Variants in OR2T6 observed in about 807,000 individuals in gnomAD.
The protein encoded by OR2T6 is olfactory receptor family 2 subfamily T member 6.
For synonymous variants in OR2T6, 174 were observed against 148.0 expected (o/e 1.18, Z -1.27); for missense variants, 424 against 391.6 (o/e 1.08, Z -0.70).
chr1:248,384,274 T>C (rs534363611), intron 1 of OR2T6, among the ~76,000 whole-genome samples: 1 of 101,594 alleles, frequency 9.8e-6, no homozygotes, highest in African/African-American at 5.6e-5. Context: ...GTTATTGTCA[T>C]GGGTAAAGCA....
chr1:248,382,771 A>G (rs1661062049), intron 1 of OR2T6, among the ~76,000 whole-genome samples: 1 of 152,044 alleles, frequency 6.6e-6, no homozygotes, highest in African/African-American at 2.4e-5. Context: ...TGATCCACCC[A>G]CTTTGGCCTC....
At chr1:248,385,047 G>T (rs1661114441) in intron 2 of OR2T6, among the ~76,000 whole-genome samples, 183 bp downstream of exon 2, 1 of 152,132 alleles carries the variant, frequency 6.6e-6, no homozygotes, top group Admixed American at 6.5e-5. Flanking sequence ...TCCTTTGTTG[G>T]TCTACTTGCA....
At position 248,386,985 on chromosome 1, in the gene OR2T6, C is replaced by G. The variant is rs1458537972; in HGVS notation, c.-4-620C>G. 4.6e-5 allele frequency among the ~76,000 whole-genome samples: 7 copies of G among 152,284 alleles called. No homozygotes were observed. The South Asian group carries it at 8.3e-4, about 18-fold the overall frequency. ...TACAGTATCCCCAGAGCTTAGAACA[C>G]TGCACAGTACTCTCTCCATAAATAA... is the stretch of plus-strand genomic sequence containing the variant. On this transcript the variant is annotated intron_variant, in intron 2 of 2. Coordinates refer to ENST00000641644, the MANE Select transcript of OR2T6 (RefSeq NM_001005471.2).
chr1:248,382,896 C>T (rs535252771), intron 1 of OR2T6, among the ~76,000 whole-genome samples: 44 of 152,358 alleles, frequency 2.9e-4, no homozygotes, highest in African/African-American at 1.0e-3. Context: ...TTATCCTCCA[C>T]AACCCTAACA....
Position 248,388,598 on chromosome 1 carries a change from C to T in OR2T6, c.*63C>T. 7.8e-7 allele frequency: 1 copy of T among 1,277,234 alleles called. No homozygotes were observed. Among genetic ancestry groups the T allele is most frequent in the African/African-American group, 1.5e-5 (1 of 67,168 alleles). The allele number at this position is 1,277,234 out of a possible 1,614,324, so 79.1% of individuals were successfully genotyped here. On this transcript the variant is annotated 3_prime_UTR_variant, in exon 3 of 3. Transcript: ENST00000641644. Reference sequence around the variant, plus strand: ...CTAAAACCTCCACATCCTGTTCAGGCATATATGGGGTCGTATCATGGATAC... The same window carrying T: ...CTAAAACCTCCACATCCTGTTCAGGTATATATGGGGTCGTATCATGGATAC...
chr1:248,378,047 A>C (rs537155114), intron 1 of OR2T6, among the ~76,000 whole-genome samples: 56 of 152,332 alleles, frequency 3.7e-4, no homozygotes, highest in African/African-American at 1.3e-3. Context: ...GTTGATCATT[A>C]AGATTGTTTC....
intron 1 of OR2T6, among the ~76,000 whole-genome samples, chr1:248,381,554 T>C (rs139116064): frequency 6.6e-6 from 1 of 152,200 alleles, no homozygotes; most frequent in African/African-American, 2.4e-5. Flanking sequence ...GAATTTGTTT[T>C]GCATGTATAG....
At chr1:248,379,166 T>C (rs754506062) in intron 1 of OR2T6, among the ~76,000 whole-genome samples, 36 of 152,152 alleles carry the variant, frequency 2.4e-4, no homozygotes, top group Non-Finnish European at 5.9e-5. Flanking sequence ...CAGAGCAAGT[T>C]CCTGTCTCAA....
intron 1 of OR2T6, among the ~76,000 whole-genome samples, chr1:248,377,813 T>C (rs1660961996): frequency 1.3e-5 from 2 of 152,242 alleles, no homozygotes; most frequent in Non-Finnish European, 2.9e-5. Flanking sequence ...GCTTCATTTC[T>C]GCCTTTGGGC....
rs1661244746 is a variant in OR2T6, at chr1:248,391,217, A to T, written c.*2682A>T. The T allele has an allele frequency of 6.6e-6, 1 of 152,216 alleles. No individual in the cohort carries two copies. The highest frequency in any genetic ancestry group is 2.4e-5 in the African/African-American group (1 of 41,458). The allele number at this position is 152,216 out of a possible 1,614,324, so 9.4% of individuals were successfully genotyped here. On this transcript the variant is annotated 3_prime_UTR_variant, in exon 3 of 3. Transcript: ENST00000641644. ...CATTCCAAAACATAGACTTAATCAGAAAGTCCTTCAGAAATTAAATGGATA... is the reference window on the plus strand; with the variant it reads ...CATTCCAAAACATAGACTTAATCAGTAAGTCCTTCAGAAATTAAATGGATA...
At position 248,388,271 on chromosome 1, in the gene OR2T6, T is replaced by G. The variant is rs1661183889; in HGVS notation, c.663T>G (p.Ile221Met). 8 of 1,613,786 alleles carry G rather than the reference T, an allele frequency of 5.0e-6. No individual in the cohort carries two copies. Among genetic ancestry groups the G allele is most frequent in the Non-Finnish European group, 6.8e-6 (8 of 1,179,952 alleles). ...TGGTGACTGCATCCTACACCAGGAT[T>G]CTCATCACAGTGCATCAGATGACAT... ...FSVVTASYTR[I>M]LITVHQMTSA... Residue 221 changes from isoleucine (I) to methionine (M), a missense_variant, in exon 3 of 3, where the codon ATT becomes ATG. Physicochemically the swap from Ile to Met is conservative, Grantham distance 10. Transcript: ENST00000641644.
chr1:248,380,700 T>A lies in OR2T6; in HGVS notation c.-158-4011T>A, dbSNP rs188918079. ...TGAACTTCCTTTGGTCTAAGTAGTG[T>A]TTTAGGCATACGTTAAAGTATTTCA... On this transcript the variant is annotated intron_variant, in intron 1 of 2. Coordinates refer to ENST00000641644, the MANE Select transcript of OR2T6 (RefSeq NM_001005471.2). Among the ~76,000 whole-genome samples, 19 of 151,938 alleles carry A rather than the reference T, an allele frequency of 1.3e-4. No individual in the cohort carries two copies. The East Asian group carries it at 3.7e-3, about 29-fold the overall frequency.
At position 248,389,122 on chromosome 1, in the gene OR2T6, CAT is replaced by C. The variant is rs1345265857; in HGVS notation, c.*588_*589del. 5.3e-5 allele frequency: 8 copies of C among 152,202 alleles called. No homozygotes were observed. Among genetic ancestry groups the C allele is most frequent in the African/African-American group, 1.4e-4 (6 of 41,510 alleles). The allele number at this position is 152,202 out of a possible 1,614,324, so 9.4% of individuals were successfully genotyped here. A position where few individuals can be genotyped will look rare whatever the true frequency, so the allele number is the denominator to read the frequency against. On this transcript the variant is annotated 3_prime_UTR_variant, in exon 3 of 3. Coordinates refer to ENST00000641644, the MANE Select transcript of OR2T6 (RefSeq NM_001005471.2). The stretch of plus-strand genomic sequence containing the variant: ...CATTTGGAGCTAAAAAAAAATGAAT[CAT>C]GTGTTTTGTAGAAATGCCAAGACTA...
intron 2 of OR2T6, among the ~76,000 whole-genome samples, chr1:248,385,569 T>C (rs929796417): frequency 1.3e-5 from 2 of 152,222 alleles, no homozygotes; most frequent in African/African-American, 4.8e-5. Flanking sequence ...TGGCAATTAT[T>C]TGCATGATCA....
rs974369717 is a variant in OR2T6 at position 248,390,695 on chromosome 1, T to C, written c.*2160T>C. ...GGACAACAGTATGTGCCAGATAATA[T>C]GAGGGAGCATTTCCAACCAAGAAGA... On this transcript the variant is annotated 3_prime_UTR_variant, in exon 3 of 3. Transcript: ENST00000641644. 1.3e-5 allele frequency: 2 copies of C among 152,092 alleles called. No homozygotes were observed. Among genetic ancestry groups the C allele is most frequent in the African/African-American group, 4.8e-5 (2 of 41,390 alleles). The allele number at this position is 152,092 out of a possible 1,614,324, so 9.4% of individuals were successfully genotyped here.
chr1:248,380,625 GC>G (rs2103068418), intron 1 of OR2T6, among the ~76,000 whole-genome samples: 1 of 151,692 alleles, frequency 6.6e-6, no homozygotes, highest in South Asian at 2.1e-4. Context: ...TACATCTTTA[GC>G]TATATCCTAT....
chr1:248,377,770 G>A (rs563113763), intron 1 of OR2T6, among the ~76,000 whole-genome samples: 1 of 152,264 alleles, frequency 6.6e-6, no homozygotes, highest in South Asian at 2.1e-4. Context: ...TCTCCATTCA[G>A]TTCAGCAAAA....
At position 248,388,835 on chromosome 1, in the gene OR2T6, G is replaced by A. The variant is rs1411859495; in HGVS notation, c.*300G>A. ...CTGATTGCAGTTTGTGTATATGAAT[G>A]CCCCAAAATGTTGAGTTAATATTAC... On this transcript the variant is annotated 3_prime_UTR_variant, in exon 3 of 3. Coordinates refer to ENST00000641644, the MANE Select transcript of OR2T6 (RefSeq NM_001005471.2). 23 of 361,164 alleles carry A rather than the reference G, an allele frequency of 6.4e-5. No homozygotes were observed. In the East Asian group the frequency reaches 9.7e-4, roughly 15 times the overall value. 22.4% of individuals were successfully genotyped at this position (361,164 alleles called of 1,614,324 possible).
At chr1:248,380,204 C>G (rs1325581678) in intron 1 of OR2T6, among the ~76,000 whole-genome samples, 1 of 151,862 alleles carries the variant, frequency 6.6e-6, no homozygotes, top group Admixed American at 6.6e-5. Context: ...TGCATGCACT[C>G]ATACAAAACT....
Sources: gnomAD v4.1 joint callset for allele counts (sites outside exome capture counted in the v4.1 genomes callset) on GRCh38, gnomAD v4.1.1 for gene constraint, MANE v1.5 for transcripts, NCBI Gene and HGNC (gene_info 2026-07-23, HGNC 2026-07-21) for gene names.